PSMA4: variants seen among roughly 807,000 people sequenced by gnomAD.
PSMA4 encodes proteasome 20S subunit alpha 4, also known as proteasome subunit alpha type-4.
Under a neutral mutation model 37.2 loss-of-function variants are expected in PSMA4, and 8 were observed. The ratio of observed to expected loss-of-function variants is 0.22; its 90% confidence interval spans 0.13 to 0.39. The LOEUF (loss-of-function observed/expected upper bound fraction) is 0.39. Among genes scored for constraint, PSMA4 ranks in the 10% least tolerant of loss-of-function variants. The probability of loss-of-function intolerance (pLI) is 1.00; values close to 1 mark genes in which losing one functional copy is unlikely to be tolerated. For missense variants in PSMA4, 169 were observed against 305.1 expected (o/e 0.55, Z 3.32); for synonymous variants, 93 against 98.8 (o/e 0.94, Z 0.35).
intron 8 of PSMA4, among the ~76,000 whole-genome samples, chr15:78,548,245 A>C (rs2052591172): frequency 6.6e-6 from 1 of 152,142 alleles, no homozygotes; most frequent in Non-Finnish European, 1.5e-5. Context: ...AAAAAAAAGA[A>C]AAAGAAAATG....
At position 78,544,348 on chromosome 15, in the gene PSMA4, C is replaced by T. The variant is rs573108427; in HGVS notation, c.287+81C>T. On this transcript the variant is annotated intron_variant, in intron 5 of 8. Transcript: ENST00000044462. ...TTTTTTTTTTTGAGACAGAGTCTCACTCTGTCACCCAGGCTGGAGTGCAGT... is the reference window on the plus strand; with the variant it reads ...TTTTTTTTTTTGAGACAGAGTCTCATTCTGTCACCCAGGCTGGAGTGCAGT... The T allele has an allele frequency of 3.4e-5, 35 of 1,032,424 alleles. No homozygotes were observed. In the Admixed American group the frequency reaches 8.0e-4, roughly 23 times the overall value. 64.0% of individuals were successfully genotyped at this position (1,032,424 alleles called of 1,614,324 possible).
At position 78,548,925 on chromosome 15, in the gene PSMA4, A is replaced by G. The variant is rs1596047247; in HGVS notation, c.767A>G (p.Gln256Arg). Reference protein sequence around the residue: ...KAEREKKEKEQKEKDK With the variant: ...KAEREKKEKERKEKDK ...GAGCGTGAGAAGAAAGAAAAAGAAC[A>G]GAAAGAAAAGGATAAATAGAATCAG... Residue 256 changes from glutamine (Q) to arginine (R), a missense_variant, in exon 9 of 9, where the codon CAG (glutamine) becomes CGG (arginine). Around this residue, in one of 2 missense-constraint regions of PSMA4, gnomAD observed 90 missense variants for 92.7 expected, o/e 0.97. Transcript: ENST00000044462. 1.9e-6 allele frequency: 3 copies of G among 1,608,064 alleles called. No homozygotes were observed. Among genetic ancestry groups the G allele is most frequent in the Non-Finnish European group, 2.5e-6 (3 of 1,178,456 alleles).
chr15:78,543,695 A>G (rs1315527959), intron 4 of PSMA4: 2 of 151,698 alleles, frequency 1.3e-5, no homozygotes, highest in African/African-American at 2.4e-5. Flanking sequence ...CAGCCGCCCA[A>G]GTAGCTGGGA....
chr15:78,544,176 T>A lies in PSMA4; in HGVS notation c.210-14T>A. 1 of 1,604,228 alleles carries A rather than the reference T, an allele frequency of 6.2e-7. No homozygotes were observed. Among genetic ancestry groups the A allele is most frequent in the Non-Finnish European group, 8.5e-7 (1 of 1,172,140 alleles). ...TCTTCCCTGCTTACAGATCAATGTC[T>A]TTTTTTCTTCAAGGGACATGGCTTG... On this transcript the variant is annotated splice_polypyrimidine_tract_variant and intron_variant, in intron 4 of 8. Coordinates refer to ENST00000044462, the MANE Select transcript of PSMA4 (RefSeq NM_002789.6).
At chr15:78,541,324 C>T (rs1261296044) in intron 1 of PSMA4, 4 of 155,368 alleles carry the variant, frequency 2.6e-5, no homozygotes, top group Non-Finnish European at 5.7e-5. Flanking sequence ...AGATAACTGC[C>T]TCCACCCCCA....
intron 7 of PSMA4, 102 bp from the exon 8 acceptor site, chr15:78,546,473 A>T: frequency 1.9e-6 from 2 of 1,069,118 alleles, no homozygotes; most frequent in Non-Finnish European, 2.6e-6. Context: ...AATTGTTTAT[A>T]CTTGTAATGC....
At chr15:78,545,016 C>A in intron 6 of PSMA4, 59 bp downstream of exon 6, 2 of 1,254,970 alleles carry the variant, frequency 1.6e-6, no homozygotes, top group Non-Finnish European at 2.2e-6. Context: ...TGAGTTATAA[C>A]CCTTTTGAGG....
Position 78,542,444 on chromosome 15 carries a change from A to G in PSMA4, c.47-39A>G, listed in dbSNP as rs771169313. 6.3e-6 allele frequency: 10 copies of G among 1,595,026 alleles called. No individual in the cohort carries two copies. The Admixed American group carries it at 1.1e-4, about 17-fold the overall frequency. Reference sequence around the variant, plus strand: ...TTTTGGGCCAGTGGTGCAGGAGCACAGAGGAGAGTCTTGGCTTCTCACTGC... The same window carrying G: ...TTTTGGGCCAGTGGTGCAGGAGCACGGAGGAGAGTCTTGGCTTCTCACTGC... On this transcript the variant is annotated intron_variant, in intron 3 of 8. Transcript: ENST00000044462.
At position 78,551,711 on chromosome 15, in the gene PSMA4, T is replaced by C. The variant is rs2052646270; in HGVS notation, c.*2767T>C. The C allele has an allele frequency of 6.6e-6, 1 of 152,074 alleles. No individual in the cohort carries two copies. The highest frequency in any genetic ancestry group is 2.1e-4 in the South Asian group (1 of 4,820). The allele number at this position is 152,074 out of a possible 1,614,324, so 9.4% of individuals were successfully genotyped here. ...TGGCACGTGTTAGGCAACAAATAAG[T>C]ACTGATGAATGAATAAATACCCTGG... On this transcript the variant is annotated 3_prime_UTR_variant, in exon 9 of 9. Coordinates refer to ENST00000044462, the MANE Select transcript of PSMA4 (RefSeq NM_002789.6).
At chr15:78,541,338 T>A (rs1190370974) in intron 1 of PSMA4, 3 of 155,906 alleles carry the variant, frequency 1.9e-5, no homozygotes, top group Non-Finnish European at 4.3e-5. Context: ...ACCCCCAAGT[T>A]CAGGACCCAG....
chr15:78,546,769 T>C (rs1375929575), intron 8 of PSMA4, 71 bp downstream of exon 8: 2 of 61,288 alleles, frequency 3.3e-5, no homozygotes, highest in South Asian at 9.5e-4. Flanking sequence ...GATTTTTTTC[T>C]TTTTTTTTTT....
At chr15:78,547,905 G>A (rs768565230) in intron 8 of PSMA4, among the ~76,000 whole-genome samples, 2 of 151,734 alleles carry the variant, frequency 1.3e-5, no homozygotes, top group Non-Finnish European at 2.9e-5. Flanking sequence ...CTTTATGTTA[G>A]GACAGTTTAG....
At chr15:78,548,225 C>T (rs113352275) in intron 8 of PSMA4, among the ~76,000 whole-genome samples, 33,458 of 151,600 alleles carry the variant, frequency 0.22, 4,133 homozygotes, top group Admixed American at 0.39. Context: ...GAGCAAAACT[C>T]CATCTCAAAA....
chr15:78,541,801 A>G (rs1192517629), intron 1 of PSMA4, 104 bp from the exon 2 acceptor site: 1 of 959,122 alleles, frequency 1.0e-6, no homozygotes, highest in Non-Finnish European at 1.6e-6. Context: ...AATGCCTGAC[A>G]CTTAGCTGAA....
At chr15:78,542,426 C>T (rs2052471227) in intron 3 of PSMA4, 57 bp from the exon 4 acceptor site, 3 of 1,562,128 alleles carry the variant, frequency 1.9e-6, no homozygotes, top group Non-Finnish European at 2.6e-6. Flanking sequence ...TTCTTTTGGG[C>T]CAGTGGTGCA....
chr15:78,548,776 G>T lies in PSMA4; in HGVS notation c.632-14G>T, dbSNP rs1181830245. 1 of 1,600,530 alleles carries T rather than the reference G, an allele frequency of 6.2e-7. No individual in the cohort carries two copies. Among genetic ancestry groups the T allele is most frequent in the Non-Finnish European group, 8.5e-7 (1 of 1,175,456 alleles). On this transcript the variant is annotated splice_polypyrimidine_tract_variant and intron_variant, in intron 8 of 8. Coordinates refer to ENST00000044462, the MANE Select transcript of PSMA4 (RefSeq NM_002789.6). Reference sequence around the variant, plus strand: ...CTGCCTGCAATACAAATAAATGTATGTGTTTGTTTTTAGTGGAAATTGCAA... The same window carrying T: ...CTGCCTGCAATACAAATAAATGTATTTGTTTGTTTTTAGTGGAAATTGCAA...
chr15:78,542,845 A>T (rs1015244473), intron 4 of PSMA4, among the ~76,000 whole-genome samples, 200 bp downstream of exon 4: 1 of 152,186 alleles, frequency 6.6e-6, no homozygotes, highest in African/African-American at 2.4e-5. Flanking sequence ...AGAAACTAGC[A>T]TTGTGTAATG....
At position 78,542,293 on chromosome 15, in the gene PSMA4, A is replaced by G. The variant is rs773814281; in HGVS notation, c.46+74A>G. ...TAGACTTTTAGAAAAAAAAATTACA[A>G]ACTTTTTTTGGTAGTTGCAAAGTTC... On this transcript the variant is annotated intron_variant, in intron 3 of 8. Coordinates refer to ENST00000044462, the MANE Select transcript of PSMA4 (RefSeq NM_002789.6). 182 of 1,501,488 alleles carry G rather than the reference A, an allele frequency of 1.2e-4. 1 individual carries two copies. The highest frequency in any genetic ancestry group is 1.1e-3 in the South Asian group (93 of 81,870). The allele number at this position is 1,501,488 out of a possible 1,614,324, so 93.0% of individuals were successfully genotyped here.
intron 6 of PSMA4, 105 bp from the exon 7 acceptor site, chr15:78,545,529 C>A: frequency 7.7e-7 from 1 of 1,301,698 alleles, no homozygotes. Flanking sequence ...TTTATGAATG[C>A]TTAAGTTCAC....
Sources: allele counts gnomAD v4.1 joint callset (sites outside exome capture counted in the v4.1 genomes callset), GRCh38; gene constraint gnomAD v4.1.1; regional missense constraint gnomAD v4.1.1; transcripts MANE v1.5; gene names NCBI Gene and HGNC (gene_info 2026-07-23, HGNC 2026-07-21).